MYCBP2: variants seen among roughly 807,000 people sequenced by gnomAD.
MYCBP2 encodes E3 ubiquitin-protein ligase MYCBP2.
In MYCBP2, 120 loss-of-function variants were observed where a neutral mutation model predicts 525.3. The ratio of observed to expected loss-of-function variants is 0.23; its 90% CI spans 0.20 to 0.27. MYCBP2 has a LOEUF of 0.27. Ranked by LOEUF, MYCBP2 falls within the 10% of genes least tolerant of loss-of-function variation. MYCBP2 has a pLI of 1.00. For synonymous variants in MYCBP2, 1,894 were observed against 1,955.8 expected (o/e 0.97, Z 0.83); for missense variants, 4,149 against 5,657.1 (o/e 0.73, Z 8.55).
intron 81 of MYCBP2, 110 bp from the exon 82 acceptor site, chr13:77,051,272 C>T: frequency 2.2e-6 from 2 of 911,038 alleles, no homozygotes; most frequent in Non-Finnish European, 3.2e-6. Flanking sequence ...TGAGGGCCTA[C>T]ATAACTCTAA....
intron 14 of MYCBP2, among the ~76,000 whole-genome samples, chr13:77,254,422 T>A (rs189939709): frequency 4.5e-4 from 68 of 151,980 alleles, no homozygotes; most frequent in Non-Finnish European, 7.8e-4. Flanking sequence ...AGAGACACAA[T>A]TTTTTAATAT....
At position 77,044,873 on chromosome 13, in the gene MYCBP2, T is replaced by C. The variant is rs1328161444; in HGVS notation, c.*505A>G. On this transcript the variant is annotated 3_prime_UTR_variant, in exon 83 of 83. Coordinates refer to ENST00000544440, the MANE Select transcript of MYCBP2 (RefSeq NM_015057.5). ...ATGTTTATATACAGTGTGATACTTA[T>C]TACATTTATATGCTGTCCTAACACA... 2.5e-6 allele frequency: 1 copy of C among 400,112 alleles called. No individual in the cohort carries two copies. The highest frequency in any genetic ancestry group is 4.4e-6 in the Non-Finnish European group (1 of 226,782). 24.8% of individuals were successfully genotyped at this position (400,112 alleles called of 1,614,324 possible). A position where few individuals can be genotyped will look rare whatever the true frequency, so the allele number is the denominator to read the frequency against.
At chr13:77,104,753 A>C (rs957931369) in intron 55 of MYCBP2, among the ~76,000 whole-genome samples, 14 of 152,234 alleles carry the variant, frequency 9.2e-5, no homozygotes, top group Admixed American at 8.5e-4. Context: ...TGGCAACACA[A>C]AAGTCACAGA....
chr13:77,198,758 G>A (rs995262354), intron 26 of MYCBP2, among the ~76,000 whole-genome samples: 5 of 151,936 alleles, frequency 3.3e-5, no homozygotes, highest in South Asian at 2.1e-4. Context: ...CACTCCTCCC[G>A]GTCTCCACTC....
chr13:77,285,904 GAAAGCA>G (rs1200717239), intron 3 of MYCBP2, among the ~76,000 whole-genome samples: 1 of 148,142 alleles, frequency 6.8e-6, no homozygotes, highest in East Asian at 1.9e-4. Flanking sequence ...GAAAGCAAAG[GAAAGCA>G]AAGGAAGGAA....
intron 13 of MYCBP2, 112 bp downstream of exon 13, chr13:77,260,315 TA>T: frequency 1.4e-6 from 1 of 725,194 alleles, no homozygotes; most frequent in Non-Finnish European, 2.1e-6. Context: ...GAAGGAAATG[TA>T]AAAAATGTAG....
chr13:77,194,094 A>C, intron 27 of MYCBP2, 59 bp downstream of exon 27: 1 of 1,076,962 alleles, frequency 9.3e-7, no homozygotes, highest in Non-Finnish European at 1.4e-6. Context: ...ATTCATTTAT[A>C]ATAAATTTTT....
intron 52 of MYCBP2, among the ~76,000 whole-genome samples, chr13:77,135,306 CG>C (rs2154177435): frequency 6.6e-6 from 1 of 152,094 alleles, no homozygotes; most frequent in South Asian, 2.1e-4. Context: ...TTACTTTAAA[CG>C]AACTGAAGTA....
chr13:77,221,625 T>C (rs1042245839), intron 20 of MYCBP2, among the ~76,000 whole-genome samples: 2 of 152,146 alleles, frequency 1.3e-5, no homozygotes, highest in African/African-American at 2.4e-5. Context: ...TGAGACCCCA[T>C]CTTATCTAAC....
intron 44 of MYCBP2, among the ~76,000 whole-genome samples, chr13:77,158,511 T>C (rs1310668084): frequency 1.3e-5 from 2 of 152,208 alleles, no homozygotes; most frequent in Non-Finnish European, 2.9e-5. Flanking sequence ...GGTGCCATCA[T>C]AGCTCATTGT....
At chr13:77,218,844 G>C (rs533943117) in intron 20 of MYCBP2, among the ~76,000 whole-genome samples, 1 of 152,160 alleles carries the variant, frequency 6.6e-6, no homozygotes, top group African/African-American at 2.4e-5. Context: ...CTCTGCTTTT[G>C]AGAAATGTAA....
chr13:77,068,919 C>T, intron 69 of MYCBP2, 88 bp from the exon 70 acceptor site: 1 of 1,300,464 alleles, frequency 7.7e-7, no homozygotes, highest in Non-Finnish European at 1.1e-6. Context: ...AAGAATAAGA[C>T]AAGAATGTAA....
chr13:77,084,941 C>G (rs1172667584), intron 62 of MYCBP2, among the ~76,000 whole-genome samples: 2 of 151,958 alleles, frequency 1.3e-5, no homozygotes, highest in Non-Finnish European at 2.9e-5. Flanking sequence ...TCTGCTTGGG[C>G]TCTTTTCCCA....
chr13:77,049,022 A>T (rs2036180758), intron 82 of MYCBP2, among the ~76,000 whole-genome samples: 1 of 152,202 alleles, frequency 6.6e-6, no homozygotes, highest in Non-Finnish European at 1.5e-5. Flanking sequence ...TCCAGGTCAT[A>T]TGGCTACAAC....
chr13:77,272,103 G>C (rs1249052788), intron 5 of MYCBP2, among the ~76,000 whole-genome samples: 1 of 152,176 alleles, frequency 6.6e-6, no homozygotes, highest in African/African-American at 2.4e-5. Context: ...ATAAGCCCTC[G>C]AGTCCTGTCT....
intron 7 of MYCBP2, among the ~76,000 whole-genome samples, chr13:77,268,311 T>C (rs1567106178): frequency 6.6e-6 from 1 of 152,228 alleles, no homozygotes; most frequent in East Asian, 1.9e-4. Context: ...ATGAATAGCA[T>C]AGTGGTTTCA....
intron 55 of MYCBP2, 152 bp from the exon 56 acceptor site, chr13:77,099,165 G>T (rs1461475706): frequency 9.7e-7 from 1 of 1,030,874 alleles, no homozygotes; most frequent in Non-Finnish European, 1.4e-6. Context: ...GAAAGAAGGG[G>T]GAAATATTTC....
chr13:77,189,155 AT>A, intron 29 of MYCBP2, 108 bp from the exon 30 acceptor site: 4 of 753,250 alleles, frequency 5.3e-6, no homozygotes, highest in Non-Finnish European at 7.5e-6. Context: ...ATATATTTAA[AT>A]TTTTTTGCCA....
intron 26 of MYCBP2, among the ~76,000 whole-genome samples, chr13:77,199,785 G>A (rs2062244156): frequency 6.6e-6 from 1 of 152,180 alleles, no homozygotes; most frequent in Non-Finnish European, 1.5e-5. Context: ...GGGGCAGACT[G>A]ACACCTCACA....
Sources: allele counts gnomAD v4.1 joint callset (sites outside exome capture counted in the v4.1 genomes callset), GRCh38; gene constraint gnomAD v4.1.1; transcripts MANE v1.5; gene names NCBI Gene and HGNC (gene_info 2026-07-23, HGNC 2026-07-21).